The following KAZN variants were observed in gnomAD, a reference collection of about 807,000 sequenced individuals.
The protein encoded by KAZN is kazrin, periplakin interacting protein.
A neutral mutation model predicts 87.4 loss-of-function variants in KAZN; 40 were observed. That is an observed-to-expected ratio of 0.46 (90% CI 0.36 to 0.60). The LOEUF is 0.60. Ranked by LOEUF, KAZN falls within the 20% of genes least tolerant of loss-of-function variation. KAZN has a pLI of 0.00. For missense variants in KAZN, 898 were observed against 1,073.9 expected, an observed-to-expected ratio of 0.84 and a Z score of 2.29; for synonymous variants, 466 against 458.3, an observed-to-expected ratio of 1.02 and a Z score of -0.22.
At position 14,172,053 on chromosome 1, in the gene KAZN, C is replaced by T. The variant is rs568023935; in HGVS notation, c.92-8382C>T. ...TACAGTGAAATTGAAATGAGCCCTT[C>T]GTATAAATAAGCCTACTACAGAAAT... On this transcript the variant is annotated intron_variant, in intron 1 of 16. Coordinates refer to the KAZN transcript ENST00000636203. Among the ~76,000 whole-genome samples the T allele has an allele frequency of 6.6e-5, 10 of 152,292 alleles. No homozygotes were observed. The East Asian group carries it at 7.7e-4, about 12-fold the overall frequency.
In KAZN at chr1:14,349,901, C is replaced by T. The variant is rs563643873; in HGVS notation, c.249+169309C>T. ...CCTGTAATCCCAGCACTTTGGGAGG[C>T]GGAGGAGGGCGGATCACGAGTTCAG... On this transcript the variant is annotated intron_variant, in intron 2 of 16. Transcript: ENST00000636203. Among the ~76,000 whole-genome samples the T allele has an allele frequency of 5.9e-5, 9 of 152,000 alleles. No homozygotes were observed. The East Asian group carries it at 7.8e-4, about 13-fold the overall frequency.
At chr1:14,956,243 A>T (rs944285666) in intron 1 of KAZN, among the ~76,000 whole-genome samples, 1 of 151,144 alleles carries the variant, frequency 6.6e-6, no homozygotes, top group Non-Finnish European at 1.5e-5. Context: ...TTCCTGGACA[A>T]TAGTAAACAA....
rs563235938 is a variant in KAZN at position 15,038,952 on chromosome 1, C to A, written c.555+4067C>A. ...CCTACTGTATACAGACACGAATGTGCTATTACCAACAGCAGACGTTTATTG... is the reference window on the plus strand; with the variant it reads ...CCTACTGTATACAGACACGAATGTGATATTACCAACAGCAGACGTTTATTG... On this transcript the variant is annotated intron_variant, in intron 3 of 14. Transcript: ENST00000376030. 1.2e-3 allele frequency among the ~76,000 whole-genome samples: 173 copies of A among 148,942 alleles called. 1 individual carries two copies. Among genetic ancestry groups the A allele is most frequent in the African/African-American group, 4.0e-3 (161 of 40,510 alleles).
intron 1 of KAZN, among the ~76,000 whole-genome samples, chr1:14,039,230 AC>A (rs1341120935): frequency 6.6e-6 from 1 of 151,946 alleles, no homozygotes; most frequent in African/African-American, 2.4e-5. Context: ...AACGTATCTA[AC>A]CCTGAAATTA....
At chr1:14,677,725 C>T (rs1640315002) in intron 1 of KAZN, among the ~76,000 whole-genome samples, 1 of 152,162 alleles carries the variant, frequency 6.6e-6, no homozygotes, top group African/African-American at 2.4e-5. Flanking sequence ...GAGCCTGCTC[C>T]CATCTGTGAA....
chr1:14,031,541 TG>T (rs1250498652), intron 1 of KAZN, among the ~76,000 whole-genome samples: 1 of 152,210 alleles, frequency 6.6e-6, no homozygotes, highest in Non-Finnish European at 1.5e-5. Flanking sequence ...TGAAAAGATA[TG>T]TTTTAGGACA....
chr1:14,257,975 GA>G (rs201805345), intron 2 of KAZN, among the ~76,000 whole-genome samples: 4,024 of 87,858 alleles, frequency 0.046, 172 homozygotes, highest in African/African-American at 0.14. Flanking sequence ...AAAAAAAAGA[GA>G]AAAAAAAAAA....
intron 2 of KAZN, among the ~76,000 whole-genome samples, chr1:14,975,922 C>T (rs1253977179): frequency 6.6e-6 from 1 of 150,574 alleles, no homozygotes; most frequent in Non-Finnish European, 1.5e-5. Flanking sequence ...GTCCCAGCTA[C>T]TTGGGAGGCT....
chr1:14,968,349 A>G (rs1664676501), intron 2 of KAZN, among the ~76,000 whole-genome samples: 1 of 152,172 alleles, frequency 6.6e-6, no homozygotes, highest in South Asian at 2.1e-4. Context: ...GATGGGGAGC[A>G]GCTGTAAATA....
chr1:14,758,878 A>G (rs1433523962), intron 1 of KAZN, among the ~76,000 whole-genome samples: 1 of 150,356 alleles, frequency 6.7e-6, no homozygotes, highest in Non-Finnish European at 1.5e-5. Context: ...GGGTCTGAAA[A>G]TCTTTCTTGA....
chr1:14,313,751 A>T (rs1655461765), intron 2 of KAZN, among the ~76,000 whole-genome samples: 1 of 152,168 alleles, frequency 6.6e-6, no homozygotes, highest in Non-Finnish European at 1.5e-5. Flanking sequence ...TGGCATGTTG[A>T]CAAATCTAAG....
intron 1 of KAZN, among the ~76,000 whole-genome samples, chr1:14,745,975 A>T (rs1557447028): frequency 6.6e-6 from 1 of 152,140 alleles, no homozygotes; most frequent in African/African-American, 2.4e-5. Flanking sequence ...GCTCTCATGG[A>T]ATTTATGACT....
At chr1:14,302,125 A>C (rs1013267131) in intron 2 of KAZN, among the ~76,000 whole-genome samples, 3 of 152,168 alleles carry the variant, frequency 2.0e-5, no homozygotes, top group African/African-American at 7.2e-5. Flanking sequence ...AACAAGGACC[A>C]ATTTTTATTG....
intron 4 of KAZN, among the ~76,000 whole-genome samples, chr1:15,046,569 T>A (rs1222222957): frequency 6.6e-6 from 1 of 151,950 alleles, no homozygotes; most frequent in Non-Finnish European, 1.5e-5. Flanking sequence ...TTCCAAGAAA[T>A]AAAGCAGGAG....
intron 2 of KAZN, among the ~76,000 whole-genome samples, chr1:14,283,118 CT>C (rs1250214008): frequency 6.6e-6 from 1 of 152,104 alleles, no homozygotes; most frequent in African/African-American, 2.4e-5. Flanking sequence ...AGATCATTTC[CT>C]TTCTTTCTTT....
At chr1:14,479,850 G>A (rs1381094487) in intron 2 of KAZN, among the ~76,000 whole-genome samples, 2 of 152,140 alleles carry the variant, frequency 1.3e-5, no homozygotes, top group Non-Finnish European at 2.9e-5. Context: ...TTCAGCAGGT[G>A]TCTCTATTCA....
At chr1:14,382,537 C>A (rs1356102415) in intron 2 of KAZN, among the ~76,000 whole-genome samples, 1 of 140,110 alleles carries the variant, frequency 7.1e-6, no homozygotes, top group Admixed American at 7.3e-5. Flanking sequence ...TCTCATTGTT[C>A]AATTCCCACC....
intron 1 of KAZN, among the ~76,000 whole-genome samples, chr1:14,955,769 T>C (rs188457310): frequency 6.6e-6 from 1 of 152,314 alleles, no homozygotes; most frequent in African/African-American, 2.4e-5. Context: ...TCTGCTCTCA[T>C]CTGAGTGCAG....
chr1:14,918,382 C>T (rs1369746141), intron 1 of KAZN, among the ~76,000 whole-genome samples: 1 of 151,958 alleles, frequency 6.6e-6, no homozygotes, highest in African/African-American at 2.4e-5. Context: ...GTTCAATATC[C>T]TGGGAGGAAT....
Sources: gnomAD v4.1 joint callset for allele counts (sites outside exome capture counted in the v4.1 genomes callset) on GRCh38, gnomAD v4.1.1 for gene constraint, MANE v1.5 for transcripts, NCBI Gene and HGNC (gene_info 2026-07-23, HGNC 2026-07-21) for gene names.